SPECC1: variants seen among roughly 807,000 people sequenced by gnomAD.
SPECC1 encodes cytospin-B.
A neutral mutation model predicts 104.1 loss-of-function variants in SPECC1; 62 were observed. That is an observed-to-expected ratio of 0.60 (90% confidence interval 0.49 to 0.74). The LOEUF (loss-of-function observed/expected upper bound fraction) is 0.74. Ranked by LOEUF, SPECC1 falls within the 30% of genes least tolerant of loss-of-function variation. The probability of loss-of-function intolerance (pLI) is 0.00; values close to 1 mark genes in which losing one functional copy is unlikely to be tolerated. For synonymous variants in SPECC1, 513 were observed against 501.6 expected, an observed-to-expected ratio of 1.02 and a Z score of -0.30; for missense variants, 1,306 against 1,310.5, an observed-to-expected ratio of 1.00 and a Z score of 0.05.
chr17:20,104,288 A>G (rs62067556), intron 2 of SPECC1, among the ~76,000 whole-genome samples: 302 of 152,338 alleles, frequency 2.0e-3, no homozygotes, highest in Non-Finnish European at 3.5e-3. Context: ...TAATCAGCCC[A>G]GACAGTGTGG....
chr17:20,208,670 G>A (rs754991822), intron 4 of SPECC1, among the ~76,000 whole-genome samples: 11 of 152,222 alleles, frequency 7.2e-5, no homozygotes, highest in African/African-American at 1.7e-4. Flanking sequence ...GAAGCGTGAC[G>A]GTGGATGGAT....
At chr17:20,175,227 C>G (rs1477377526) in intron 3 of SPECC1, among the ~76,000 whole-genome samples, 2 of 152,168 alleles carry the variant, frequency 1.3e-5, no homozygotes, top group Non-Finnish European at 2.9e-5. Context: ...CGTTAGAACC[C>G]CTCACCACCA....
chr17:20,144,351 C>T (rs995969419), intron 3 of SPECC1, among the ~76,000 whole-genome samples: 6 of 150,774 alleles, frequency 4.0e-5, no homozygotes, highest in African/African-American at 9.8e-5. Flanking sequence ...CCATCATGCT[C>T]GGCTAATTTT....
At chr17:20,067,656 T>C (rs1161654431) in intron 1 of SPECC1, among the ~76,000 whole-genome samples, 1 of 152,038 alleles carries the variant, frequency 6.6e-6, no homozygotes, top group African/African-American at 2.4e-5. Context: ...TTTACATATT[T>C]ATAATATTTT....
intron 1 of SPECC1, among the ~76,000 whole-genome samples, chr17:20,036,316 G>C (rs1346502197): frequency 1.3e-5 from 2 of 152,006 alleles, no homozygotes; most frequent in Non-Finnish European, 2.9e-5. Context: ...TATTAGTGGA[G>C]ACGGGATTTC....
Position 20,156,271 on chromosome 17 carries a change from C to G in SPECC1, c.283+45709C>G, listed in dbSNP as rs556553696. 8.9e-4 allele frequency: 1,150 copies of G among 1,291,404 alleles called. 8 individuals carry two copies. The African/African-American group carries it at 0.021, about 23-fold the overall frequency. 80.0% of individuals were successfully genotyped at this position (1,291,404 alleles called of 1,614,324 possible). A position where few individuals can be genotyped will look rare whatever the true frequency, so the allele number is the denominator to read the frequency against. The stretch of plus-strand genomic sequence containing the variant: ...GCTGGCGGGGGTCGCGCCGCAGCCG[C>G]AACCCCACCCCCCCTCCAGGCGCCC... On this transcript the variant is annotated intron_variant, in intron 3 of 14. Transcript: ENST00000395527.
At chr17:20,212,834 A>G (rs1227426040) in intron 4 of SPECC1, among the ~76,000 whole-genome samples, 3 of 152,378 alleles carry the variant, frequency 2.0e-5, no homozygotes, top group East Asian at 1.9e-4. Context: ...AGGGGCTGCT[A>G]TAATTATATT....
intron 7 of SPECC1, among the ~76,000 whole-genome samples, chr17:20,240,421 TATC>T (rs1448258049): frequency 6.6e-6 from 1 of 152,160 alleles, no homozygotes; most frequent in African/African-American, 2.4e-5. Flanking sequence ...GCTTTATCTT[TATC>T]ATAGAAAATT....
intron 4 of SPECC1, among the ~76,000 whole-genome samples, chr17:20,206,423 G>A (rs2151358631): frequency 6.6e-6 from 1 of 152,242 alleles, no homozygotes; most frequent in South Asian, 2.1e-4. Flanking sequence ...ATATATGTGT[G>A]TGTATGTGTA....
chr17:20,232,508 T>G, intron 7 of SPECC1, 103 bp downstream of exon 7: 1 of 1,328,068 alleles, frequency 7.5e-7, no homozygotes, highest in Non-Finnish European at 1.0e-6. Flanking sequence ...GTTCTGCTAT[T>G]TCCTTTCTGA....
intron 1 of SPECC1, among the ~76,000 whole-genome samples, chr17:20,032,951 C>T (rs1313010674): frequency 1.3e-5 from 2 of 148,452 alleles, no homozygotes; most frequent in Non-Finnish European, 1.5e-5. Context: ...CACACACACA[C>T]ACATATATAT....
chr17:20,091,491 C>T lies in SPECC1; in HGVS notation c.-21-5140C>T, dbSNP rs184074831. ...GTTGTAGGGCTCCCCTTTGGGTTAC[C>T]GATGTCTAGCAGCATCTCTGGGCTC... is the stretch of plus-strand genomic sequence containing the variant. On this transcript the variant is annotated intron_variant, in intron 1 of 14. Transcript: ENST00000395527. Among the ~76,000 whole-genome samples the T allele has an allele frequency of 2.8e-4, 43 of 152,206 alleles. No homozygotes were observed. The East Asian group carries it at 5.4e-3, about 19-fold the overall frequency.
chr17:20,150,100 G>A lies in SPECC1; in HGVS notation c.283+39538G>A, dbSNP rs565634684. ...CCATTATCCTGCCTCAGCCTCCCGA[G>A]TAGCTGGGACTACAGGCGCCCGCCA... On this transcript the variant is annotated intron_variant, in intron 3 of 14. Coordinates refer to ENST00000395527, the MANE Select transcript of SPECC1 (RefSeq NM_001243439.2). Among the ~76,000 whole-genome samples the A allele has an allele frequency of 2.6e-4, 39 of 151,668 alleles. 1 individual carries two copies. The South Asian group carries it at 5.6e-3, about 22-fold the overall frequency.
chr17:20,304,017 A>T (rs2041678175), intron 13 of SPECC1, among the ~76,000 whole-genome samples: 2 of 150,878 alleles, frequency 1.3e-5, no homozygotes, highest in African/African-American at 4.9e-5. Context: ...CACACCTGTA[A>T]TCCCAGCACT....
rs140426286 is a variant in SPECC1 at position 20,299,083 on chromosome 17, C to T, written c.3057+2006C>T. Among the ~76,000 whole-genome samples the T allele has an allele frequency of 6.7e-3, 1,010 of 151,816 alleles. 12 individuals are homozygous for T. Among genetic ancestry groups the T allele is most frequent in the African/African-American group, 0.023 (962 of 41,384 alleles). On this transcript the variant is annotated intron_variant, in intron 13 of 14. Coordinates refer to ENST00000395527, the MANE Select transcript of SPECC1 (RefSeq NM_001243439.2). ...GTCCAGCATCTGCAGGGTAAGCCAGCAGGCTGGAGACTCAGGGAAGAGCTG... is the reference window on the plus strand; with the variant it reads ...GTCCAGCATCTGCAGGGTAAGCCAGTAGGCTGGAGACTCAGGGAAGAGCTG...
At chr17:20,272,310 T>A (rs1468693932) in intron 12 of SPECC1, among the ~76,000 whole-genome samples, 6 of 150,622 alleles carry the variant, frequency 4.0e-5, no homozygotes, top group Non-Finnish European at 7.4e-5. Flanking sequence ...ACTTTAATCT[T>A]CCAAATTCTA....
chr17:20,239,165 T>TA (rs1382120907), intron 7 of SPECC1: 3 of 1,026,168 alleles, frequency 2.9e-6, no homozygotes, highest in East Asian at 6.3e-5. Flanking sequence ...AGCATGGACT[T>TA]AAAGTCTAGA....
chr17:20,109,701 T>C (rs2048387125), intron 2 of SPECC1, among the ~76,000 whole-genome samples: 1 of 152,168 alleles, frequency 6.6e-6, no homozygotes, highest in Non-Finnish European at 1.5e-5. Context: ...AGATTGTTTC[T>C]CTCCCTCCAC....
chr17:20,051,133 T>TTTCTTTCCTTCTTTCTTTCC lies in SPECC1; in HGVS notation c.-22+41724_-22+41725insTTTCCTTCTTTCCTTCTTTC, dbSNP rs2045757119. Among the ~76,000 whole-genome samples, 181 of 40,920 alleles carry TTTCTTTCCTTCTTTCTTTCC rather than the reference T, an allele frequency of 4.4e-3. 3 individuals carry two copies. The highest frequency in any genetic ancestry group is 0.013 in the African/African-American group (161 of 12,854). The allele number at this position is 40,920 out of a possible 152,430, so 26.8% of individuals were successfully genotyped here. ...CTTTCTTTCTTTCTTTCTTTCTTTC[T>TTTCTTTCCTTCTTTCTTTCC]TTCTTTCCTTCTTTCCTTCTTTCCT... On this transcript the variant is annotated intron_variant, in intron 1 of 14. Coordinates refer to ENST00000395527, the MANE Select transcript of SPECC1 (RefSeq NM_001243439.2).
Sources: allele counts gnomAD v4.1 joint callset (sites outside exome capture counted in the v4.1 genomes callset), GRCh38; gene constraint gnomAD v4.1.1; transcripts MANE v1.5; gene names NCBI Gene and HGNC (gene_info 2026-07-23, HGNC 2026-07-21).